JCAD: variants seen among roughly 807,000 people sequenced by gnomAD.
JCAD encodes the protein junctional cadherin 5-associated protein.
Under a neutral mutation model 98.0 loss-of-function variants are expected in JCAD, and 40 were observed. That is an observed-to-expected ratio of 0.41 (90% CI 0.32 to 0.53). The LOEUF (loss-of-function observed/expected upper bound fraction) is 0.53, where lower values mean the gene tolerates loss of function less well. Ranked by LOEUF, JCAD falls within the 20% of genes least tolerant of loss-of-function variation. The pLI, the probability that JCAD is intolerant of heterozygous loss-of-function variation, is 0.31. For missense variants in JCAD, 1,705 were observed against 1,738.1 expected, an observed-to-expected ratio of 0.98 and a Z score of 0.34; for synonymous variants, 691 against 682.3, an observed-to-expected ratio of 1.01 and a Z score of -0.20.
chr10:30,106,414 A>G (rs1396685935), intron 1 of JCAD, among the ~76,000 whole-genome samples: 1 of 151,744 alleles, frequency 6.6e-6, no homozygotes, highest in Admixed American at 6.6e-5. Flanking sequence ...ACAGAGCAAT[A>G]CCTTGTCTCT....
At chr10:30,037,757 A>C (rs2132630815) in intron 2 of JCAD, among the ~76,000 whole-genome samples, 1 of 152,216 alleles carries the variant, frequency 6.6e-6, no homozygotes, top group East Asian at 1.9e-4. Context: ...AAGCAATTCA[A>C]AGGCACTTGA....
rs1318476125 is a variant in JCAD at position 30,029,514 on chromosome 10, A to T, written c.634T>A (p.Tyr212Asn). Residue 212 changes from tyrosine (Y) to asparagine (N), a missense_variant, in exon 3 of 4, where the codon TAC becomes AAC. By Grantham distance (143) the Tyr-to-Asn change is moderately radical. Around this residue, in one of 3 missense-constraint regions of JCAD, gnomAD observed 275 missense variants for 346.9 expected, o/e 0.79. Coordinates refer to ENST00000375377, the MANE Select transcript of JCAD (RefSeq NM_020848.4). The stretch of plus-strand genomic sequence containing the variant: ...ACATGTTCTCCTTGAATGAATGGGT[A>T]CAGGTCTTGAAACAGTCTCTCCCCA... ...GDGERLFQDL[Y>N]PFIQGEHVLN... The T allele has an allele frequency of 2.5e-6, 4 of 1,614,220 alleles. No homozygotes were observed. The highest frequency in any genetic ancestry group is 3.4e-6 in the Non-Finnish European group (4 of 1,180,026).
chr10:30,088,695 C>T (rs547474382), intron 1 of JCAD, among the ~76,000 whole-genome samples: 9 of 152,146 alleles, frequency 5.9e-5, no homozygotes, highest in African/African-American at 1.9e-4. Flanking sequence ...TGGCTGGGCA[C>T]GGTGGCTCAC....
chr10:30,054,380 A>C lies in JCAD; in HGVS notation c.-60+5102T>G, dbSNP rs190080171. Among the ~76,000 whole-genome samples the C allele has an allele frequency of 8.4e-4, 128 of 152,250 alleles. 1 individual carries two copies. The South Asian group carries it at 9.3e-3, about 11-fold the overall frequency. On this transcript the variant is annotated intron_variant, in intron 1 of 3. Transcript: ENST00000375377. ...CATGAAATGTATTAGGTCCAATCATATGAAATTGTCATTTTGCAGGTCAAA... is the reference window on the plus strand; with the variant it reads ...CATGAAATGTATTAGGTCCAATCATCTGAAATTGTCATTTTGCAGGTCAAA...
chr10:30,017,778 G>A lies in JCAD; in HGVS notation c.*105C>T, dbSNP rs1836565250. 1 of 1,039,098 alleles carries A rather than the reference G, an allele frequency of 9.6e-7. No homozygotes were observed. Among genetic ancestry groups the A allele is most frequent in the Admixed American group, 1.8e-5 (1 of 54,574 alleles). 64.4% of individuals were successfully genotyped at this position (1,039,098 alleles called of 1,614,324 possible). A position where few individuals can be genotyped will look rare whatever the true frequency, so the allele number is the denominator to read the frequency against. Reference sequence around the variant, plus strand: ...ATGTTATCAGGATGCTAAAAACTCAGCAGCTTCCAGCTTCTACATGGGGAA... The same window carrying A: ...ATGTTATCAGGATGCTAAAAACTCAACAGCTTCCAGCTTCTACATGGGGAA... On this transcript the variant is annotated 3_prime_UTR_variant, in exon 4 of 4. Coordinates refer to ENST00000375377, the MANE Select transcript of JCAD (RefSeq NM_020848.4).
intron 3 of JCAD, among the ~76,000 whole-genome samples, chr10:30,020,623 G>A (rs888719683): frequency 1.3e-5 from 2 of 152,186 alleles, no homozygotes; most frequent in African/African-American, 2.4e-5. Context: ...TCAGCTGCAC[G>A]CAGGAATAAT....
upstream of JCAD, among the ~76,000 whole-genome samples, chr10:30,062,448 C>T (rs1837714446): frequency 6.6e-6 from 1 of 152,090 alleles, no homozygotes; most frequent in South Asian, 2.1e-4. Flanking sequence ...GGTGGTGAGG[C>T]TGTGGATGTG....
intron 2 of JCAD, among the ~76,000 whole-genome samples, chr10:30,030,618 C>T (rs771668373): frequency 6.6e-6 from 1 of 152,062 alleles, no homozygotes; most frequent in Non-Finnish European, 1.5e-5. Context: ...GGTTCTGAAA[C>T]TTTAGTGAGA....
rs1468335141 is a variant in JCAD at position 30,017,537 on chromosome 10, T to C, written c.*346A>G. The C allele has an allele frequency of 5.4e-6, 2 of 369,830 alleles. No homozygotes were observed. Among genetic ancestry groups the C allele is most frequent in the Non-Finnish European group, 9.8e-6 (2 of 203,372 alleles). The allele number at this position is 369,830 out of a possible 1,614,324, so 22.9% of individuals were successfully genotyped here. A position where few individuals can be genotyped will look rare whatever the true frequency, so the allele number is the denominator to read the frequency against. ...CCTTTCCAAAGCATTTGCTAGATCT[T>C]CCACATTGAAATCTTCACCCAGAAT... is the stretch of plus-strand genomic sequence containing the variant. On this transcript the variant is annotated 3_prime_UTR_variant, in exon 4 of 4. Transcript: ENST00000375377.
At chr10:30,031,787 C>T (rs1268949476) in intron 2 of JCAD, among the ~76,000 whole-genome samples, 7 of 100,360 alleles carry the variant, frequency 7.0e-5, no homozygotes, top group Non-Finnish European at 1.3e-4. Context: ...CGGAGTCTTG[C>T]TCTGTCGCCC....
At chr10:30,056,057 C>T (rs1048926083) in intron 1 of JCAD, among the ~76,000 whole-genome samples, 1 of 152,128 alleles carries the variant, frequency 6.6e-6, no homozygotes, top group Non-Finnish European at 1.5e-5. Flanking sequence ...ATTAACATTT[C>T]TGAAAGATTA....
At position 30,057,580 on chromosome 10, in the gene JCAD, G is replaced by C. The variant is rs546861860; in HGVS notation, c.-60+1902C>G. On this transcript the variant is annotated intron_variant, in intron 1 of 3. Coordinates refer to ENST00000375377, the MANE Select transcript of JCAD (RefSeq NM_020848.4). ...CCAAACTTCTTTTTTCCCCGAAACA[G>C]GCTTTCTCCACCCACCCAAATCCCC... Among the ~76,000 whole-genome samples, 6 of 152,240 alleles carry C rather than the reference G, an allele frequency of 3.9e-5. No homozygotes were observed. In the East Asian group the frequency reaches 1.2e-3, roughly 29 times the overall value.
chr10:30,044,712 A>C (rs1384791544), intron 2 of JCAD: 3 of 453,142 alleles, frequency 6.6e-6, no homozygotes, highest in Non-Finnish European at 8.5e-6. Flanking sequence ...GCTGTTAACT[A>C]TTGACACCTA....
intron 1 of JCAD, among the ~76,000 whole-genome samples, chr10:30,053,138 T>G (rs1386269800): frequency 6.6e-6 from 1 of 152,176 alleles, no homozygotes; most frequent in African/African-American, 2.4e-5. Flanking sequence ...TGATTAAAGC[T>G]TTTAAAAAGC....
At position 30,048,752 on chromosome 10, in the gene JCAD, G is replaced by C. The variant is rs189031568; in HGVS notation, c.-59-881C>G. Among the ~76,000 whole-genome samples, 686 of 152,050 alleles carry C rather than the reference G, an allele frequency of 4.5e-3. 10 individuals carry two copies. The South Asian group carries it at 0.05, about 11-fold the overall frequency. ...GGCTAATTTTTTGTATTTTTTTGCAGAGACAGGGTTTCACCATGTTGGCCA... is the reference window on the plus strand; with the variant it reads ...GGCTAATTTTTTGTATTTTTTTGCACAGACAGGGTTTCACCATGTTGGCCA... On this transcript the variant is annotated intron_variant, in intron 1 of 3. Coordinates refer to ENST00000375377, the MANE Select transcript of JCAD (RefSeq NM_020848.4).
chr10:30,092,050 A>ATAT (rs1838279346), intron 1 of JCAD, among the ~76,000 whole-genome samples: 3 of 30,586 alleles, frequency 9.8e-5, no homozygotes, highest in African/African-American at 4.3e-4. Flanking sequence ...AAAAAAAAAA[A>ATAT]AAAAAAAAAA....
chr10:30,045,915 T>C (rs2132641515), intron 2 of JCAD, among the ~76,000 whole-genome samples: 1 of 152,332 alleles, frequency 6.6e-6, no homozygotes, highest in South Asian at 2.1e-4. Context: ...ATGTGTTAAG[T>C]GCTCTGACTA....
At position 30,026,176 on chromosome 10, in the gene JCAD, G is replaced by T. The variant is rs1213288723; in HGVS notation, c.3972C>A (p.Ser1324Arg). ...GATGCTCCTTCTCTTCCCTGGAGAT[G>T]CTGTCCTTGGACACAGAGAGTGAGT... ...LGHSLSVSKD[S>R]ISREEKEHPA... Residue 1324 changes from serine to arginine, a missense_variant, in exon 3 of 4, where the codon AGC becomes AGA. By Grantham distance (110) the Ser-to-Arg change is moderately radical. This residue lies in a region of JCAD where 1,278 missense variants were observed against 1,243.1 expected (regional missense o/e 1.03). Transcript: ENST00000375377. 7 of 1,614,156 alleles carry T rather than the reference G, an allele frequency of 4.3e-6. No homozygotes were observed. Among genetic ancestry groups the T allele is most frequent in the Non-Finnish European group, 5.9e-6 (7 of 1,180,050 alleles).
At chr10:30,092,907 A>G (rs1260576353) in intron 1 of JCAD, among the ~76,000 whole-genome samples, 1 of 152,132 alleles carries the variant, frequency 6.6e-6, no homozygotes, top group African/African-American at 2.4e-5. Flanking sequence ...GAGGGGTGTT[A>G]TGGAAAAATA....
Sources: gnomAD v4.1 joint callset for allele counts (sites outside exome capture counted in the v4.1 genomes callset) on GRCh38, gnomAD v4.1.1 for gene constraint, gnomAD v4.1.1 regional missense constraint, MANE v1.5 for transcripts, NCBI Gene and HGNC (gene_info 2026-07-23, HGNC 2026-07-21) for gene names.